MAPRE2: variants seen among roughly 807,000 people sequenced by gnomAD.
MAPRE2 encodes the protein microtubule-associated protein RP/EB family member 2.
MAPRE2 carries 13 observed loss-of-function variants against 43.2 expected under a neutral mutation model. That is an observed-to-expected ratio of 0.30 (90% CI 0.20 to 0.48). MAPRE2 has a LOEUF of 0.48. MAPRE2 is among the 20% of genes least tolerant of loss of function. The pLI is 0.99. For synonymous variants in MAPRE2, 135 were observed against 148.8 expected (o/e 0.91, Z 0.68); for missense variants, 161 against 400.2 (o/e 0.40, Z 5.10).
intron 1 of MAPRE2, among the ~76,000 whole-genome samples, chr18:34,987,421 C>T (rs1797217): frequency 0.26 from 38,863 of 152,052 alleles, 5,014 homozygotes; most frequent in African/African-American, 0.27. Context: ...AGGTGAATCA[C>T]ATGCGTGTTG....
intron 1 of MAPRE2, among the ~76,000 whole-genome samples, chr18:34,984,979 A>T (rs1429237524): frequency 3.3e-5 from 1 of 30,556 alleles, no homozygotes. Context: ...TAATATATAA[A>T]ATATATTATA....
intron 6 of MAPRE2, 135 bp downstream of exon 6, chr18:35,132,325 C>A: frequency 1.4e-6 from 1 of 719,942 alleles, no homozygotes; most frequent in South Asian, 2.0e-5. Flanking sequence ...ACCTGATAGT[C>A]CCAAAGGAAT....
At chr18:35,116,914 A>AG (rs1344425395) in intron 4 of MAPRE2, among the ~76,000 whole-genome samples, 1 of 152,116 alleles carries the variant, frequency 6.6e-6, no homozygotes, top group African/African-American at 2.4e-5. Flanking sequence ...TGTCACACCG[A>AG]GGTTACACTT....
At chr18:35,112,386 G>A (rs1342450255) in intron 4 of MAPRE2, among the ~76,000 whole-genome samples, 1 of 152,002 alleles carries the variant, frequency 6.6e-6, no homozygotes, top group African/African-American at 2.4e-5. Context: ...GGTCAGGCTG[G>A]TTTTGAACTC....
At chr18:35,102,604 C>T (rs1908730096) in intron 4 of MAPRE2, among the ~76,000 whole-genome samples, 1 of 152,146 alleles carries the variant, frequency 6.6e-6, no homozygotes, top group Non-Finnish European at 1.5e-5. Flanking sequence ...AACTGTACAT[C>T]CTACCTCCTC....
At chr18:35,045,394 CA>C (rs1289777486) in intron 1 of MAPRE2, among the ~76,000 whole-genome samples, 1 of 152,056 alleles carries the variant, frequency 6.6e-6, no homozygotes, top group African/African-American at 2.4e-5. Context: ...ACTATTTCCA[CA>C]TGGGTGTTTT....
At chr18:35,058,408 AT>A (rs1009495643) in intron 1 of MAPRE2, among the ~76,000 whole-genome samples, 63 of 151,234 alleles carry the variant, frequency 4.2e-4, no homozygotes, top group African/African-American at 1.4e-3. Flanking sequence ...AGGCTTGTCT[AT>A]TTTTTTTTAA....
chr18:35,138,633 T>A (rs1271784), intron 6 of MAPRE2, among the ~76,000 whole-genome samples: 61,600 of 152,082 alleles, frequency 0.41, 16,058 homozygotes, highest in African/African-American at 0.73. Flanking sequence ...TAGGCACTTT[T>A]CCTATTTTAA....
At chr18:35,098,866 GA>G (rs1908546814) in intron 3 of MAPRE2, among the ~76,000 whole-genome samples, 1 of 152,180 alleles carries the variant, frequency 6.6e-6, no homozygotes, top group Non-Finnish European at 1.5e-5. Flanking sequence ...GAATGTTGAA[GA>G]AAAAAATTAT....
intron 2 of MAPRE2, among the ~76,000 whole-genome samples, chr18:35,025,350 A>T (rs894102492): frequency 6.6e-6 from 1 of 152,208 alleles, no homozygotes; most frequent in African/African-American, 2.4e-5. Context: ...CCAGCCTCAA[A>T]ACTTACCCTC....
chr18:35,077,247 GCGCACACA>G (rs762663397), intron 2 of MAPRE2, among the ~76,000 whole-genome samples: 24 of 116,920 alleles, frequency 2.1e-4, no homozygotes, highest in Middle Eastern at 7.3e-3. Flanking sequence ...GCGTGCGCGC[GCGCACACA>G]CACACACACA....
intron 1 of MAPRE2, among the ~76,000 whole-genome samples, chr18:35,055,204 G>A (rs2150608579): frequency 6.6e-6 from 1 of 152,320 alleles, no homozygotes; most frequent in Admixed American, 6.5e-5. Flanking sequence ...TGATGCCGGA[G>A]GCTAGAAGTC....
chr18:34,978,675 G>T lies in MAPRE2; in HGVS notation c.-70+1596G>T, dbSNP rs1012997826. ...TGGAAATGAAATGCTTCCTTACTTT[G>T]CTTTCGTTCTTTTCTGCCAAACTGA... is the stretch of plus-strand genomic sequence containing the variant. On this transcript the variant is annotated intron_variant, in intron 1 of 7. Coordinates refer to the MAPRE2 transcript ENST00000413393. 25 of 811,096 alleles carry T rather than the reference G, an allele frequency of 3.1e-5. No individual in the cohort carries two copies. The East Asian group carries it at 6.7e-4, about 22-fold the overall frequency. The allele number at this position is 811,096 out of a possible 1,614,324, so 50.2% of individuals were successfully genotyped here. A position where few individuals can be genotyped will look rare whatever the true frequency, so the allele number is the denominator to read the frequency against.
At chr18:35,064,736 T>C (rs143404347) in intron 1 of MAPRE2, among the ~76,000 whole-genome samples, 5 of 152,294 alleles carry the variant, frequency 3.3e-5, no homozygotes, top group African/African-American at 1.2e-4. Context: ...AGAAATACAG[T>C]GTCTAATGTG....
intron 1 of MAPRE2, among the ~76,000 whole-genome samples, chr18:35,047,126 A>T (rs17669208): frequency 0.054 from 8,202 of 152,270 alleles, 373 homozygotes; most frequent in East Asian, 0.22. Context: ...TCCAGAGTGG[A>T]TGGAGTTTAC....
intron 1 of MAPRE2, among the ~76,000 whole-genome samples, chr18:34,987,976 A>C (rs985097853): frequency 6.6e-6 from 1 of 152,190 alleles, no homozygotes; most frequent in African/African-American, 2.4e-5. Flanking sequence ...CTCATGGAAT[A>C]AATGAACAGG....
intron 2 of MAPRE2, among the ~76,000 whole-genome samples, chr18:35,084,519 G>T (rs902640043): frequency 2.2e-4 from 34 of 152,252 alleles, no homozygotes; most frequent in African/African-American, 7.0e-4. Flanking sequence ...TTAAAAATCT[G>T]CCTCTCTGCC....
chr18:35,058,680 G>T (rs1416661157), intron 1 of MAPRE2, among the ~76,000 whole-genome samples: 1 of 152,160 alleles, frequency 6.6e-6, no homozygotes, highest in Admixed American at 6.5e-5. Context: ...GATAAACTGA[G>T]TAACTAGCCA....
intron 2 of MAPRE2, among the ~76,000 whole-genome samples, chr18:35,094,184 A>G (rs1367542756): frequency 1.3e-5 from 2 of 152,236 alleles, no homozygotes; most frequent in African/African-American, 2.4e-5. Context: ...ATCATTACAC[A>G]ATGTATATAT....
Sources: allele counts gnomAD v4.1 joint callset (sites outside exome capture counted in the v4.1 genomes callset), GRCh38; gene constraint gnomAD v4.1.1; transcripts MANE v1.5; gene names NCBI Gene and HGNC (gene_info 2026-07-23, HGNC 2026-07-21).